Variants in EPHA6 observed in about 807,000 individuals in gnomAD.
The protein encoded by EPHA6 is EPH receptor A6.
Under a neutral mutation model 112.0 loss-of-function variants are expected in EPHA6, and 50 were observed. The ratio of observed to expected loss-of-function variants is 0.45; its 90% confidence interval spans 0.36 to 0.56. EPHA6 has a LOEUF of 0.56. Among genes scored for constraint, EPHA6 ranks in the 20% least tolerant of loss-of-function variants. The pLI, the probability that EPHA6 is intolerant of heterozygous loss-of-function variation, is 0.00. For missense variants in EPHA6, 1,280 were observed against 1,417.4 expected (o/e 0.90, Z 1.56); for synonymous variants, 529 against 490.7 (o/e 1.08, Z -1.03).
At position 96,957,328 on chromosome 3, in the gene EPHA6, A is replaced by G. The variant is rs554859992; in HGVS notation, c.451-30002A>G. On this transcript the variant is annotated intron_variant, in intron 2 of 17. Transcript: ENST00000389672. ...GACAGTGTTGCATGGCTAAAGATATAACTATGGTAGACAGACGTTCTCAAT... is the reference window on the plus strand; with the variant it reads ...GACAGTGTTGCATGGCTAAAGATATGACTATGGTAGACAGACGTTCTCAAT... 3.9e-5 allele frequency among the ~76,000 whole-genome samples: 6 copies of G among 152,332 alleles called. No homozygotes were observed. The South Asian group carries it at 1.0e-3, about 26-fold the overall frequency.
intron 2 of EPHA6, among the ~76,000 whole-genome samples, chr3:96,962,076 C>T (rs1194441512): frequency 2.0e-5 from 3 of 152,240 alleles, no homozygotes; most frequent in African/African-American, 4.8e-5. Context: ...GGCTTTTCCT[C>T]TAGGGATGTT....
At chr3:97,307,514 T>C (rs1279795923) in intron 5 of EPHA6, among the ~76,000 whole-genome samples, 1 of 151,774 alleles carries the variant, frequency 6.6e-6, no homozygotes, top group African/African-American at 2.4e-5. Flanking sequence ...TACCTGTACT[T>C]AGCTGTCATA....
intron 3 of EPHA6, among the ~76,000 whole-genome samples, chr3:97,103,926 T>C (rs143105414): frequency 3.7e-4 from 57 of 152,124 alleles, no homozygotes; most frequent in African/African-American, 1.3e-3. Flanking sequence ...TGTGTTTTAA[T>C]TCCTGATTTG....
At chr3:97,488,142 G>A (rs1269524296) in intron 10 of EPHA6, among the ~76,000 whole-genome samples, 1 of 152,094 alleles carries the variant, frequency 6.6e-6, no homozygotes. Context: ...TCTTAAATTT[G>A]ACCTTCCCTG....
intron 5 of EPHA6, among the ~76,000 whole-genome samples, chr3:97,284,280 T>C (rs2080389419): frequency 6.6e-6 from 1 of 152,196 alleles, no homozygotes; most frequent in East Asian, 1.9e-4. Context: ...TTTGTTACTT[T>C]TGAATTAAAA....
intron 11 of EPHA6, among the ~76,000 whole-genome samples, chr3:97,555,758 A>G: frequency 6.6e-6 from 1 of 151,648 alleles, no homozygotes. Flanking sequence ...TCCTTCACCC[A>G]CTTTTTGATG....
chr3:96,888,868 A>G (rs2037788810), intron 2 of EPHA6, among the ~76,000 whole-genome samples: 1 of 152,106 alleles, frequency 6.6e-6, no homozygotes, highest in South Asian at 2.1e-4. Flanking sequence ...CTTTTCTATC[A>G]CATTGTCAGG....
chr3:96,826,281 T>G (rs2033653092), intron 1 of EPHA6, among the ~76,000 whole-genome samples: 1 of 152,030 alleles, frequency 6.6e-6, no homozygotes, highest in Non-Finnish European at 1.5e-5. Context: ...TTTCAAAGTT[T>G]TGATACCTTA....
chr3:96,935,697 T>C (rs2040543630), intron 2 of EPHA6, among the ~76,000 whole-genome samples: 1 of 147,830 alleles, frequency 6.8e-6, no homozygotes, highest in Non-Finnish European at 1.5e-5. Context: ...ACACACATTA[T>C]GTATATTATA....
intron 3 of EPHA6, among the ~76,000 whole-genome samples, chr3:97,073,757 A>G (rs1337301310): frequency 6.6e-6 from 1 of 152,052 alleles, no homozygotes; most frequent in Non-Finnish European, 1.5e-5. Context: ...ATAAGTATAT[A>G]CAGTATATTA....
intron 6 of EPHA6, among the ~76,000 whole-genome samples, chr3:97,431,066 A>AG (rs1239940584): frequency 1.3e-5 from 2 of 152,082 alleles, no homozygotes; most frequent in Non-Finnish European, 2.9e-5. Flanking sequence ...GATTAACCTA[A>AG]GGGTTCTAAT....
intron 10 of EPHA6, among the ~76,000 whole-genome samples, chr3:97,513,722 TGTTACA>T (rs898985957): frequency 9.9e-5 from 15 of 152,142 alleles, no homozygotes; most frequent in Admixed American, 3.9e-4. Flanking sequence ...ATGGGTACAA[TGTTACA>T]GTTACACAGG....
chr3:97,664,854 GGA>G (rs1368392938), intron 14 of EPHA6, among the ~76,000 whole-genome samples: 1 of 152,166 alleles, frequency 6.6e-6, no homozygotes, highest in African/African-American at 2.4e-5. Context: ...CCATGCTGAT[GGA>G]TAGGAAGAAT....
rs375975975 is a variant in EPHA6 at position 97,557,152 on chromosome 3, A to G, written c.2386+24609A>G. Among the ~76,000 whole-genome samples the G allele has an allele frequency of 6.6e-5, 10 of 152,050 alleles. No homozygotes were observed. In the East Asian group the frequency reaches 1.5e-3, roughly 23 times the overall value. On this transcript the variant is annotated intron_variant, in intron 11 of 17. Coordinates refer to ENST00000389672, the MANE Select transcript of EPHA6 (RefSeq NM_001080448.3). ...TGACATCAGTTTGTGATTTCACATC[A>G]CAAAGGTCATGTGATTTTTTTTAAA...
intron 2 of EPHA6, among the ~76,000 whole-genome samples, chr3:96,873,844 G>A (rs77522549): frequency 0.029 from 4,440 of 152,152 alleles, 211 homozygotes; most frequent in African/African-American, 0.1. Flanking sequence ...GATTATTAAT[G>A]TGTCATGAGT....
At chr3:96,937,556 T>C (rs2040665197) in intron 2 of EPHA6, among the ~76,000 whole-genome samples, 1 of 152,176 alleles carries the variant, frequency 6.6e-6, no homozygotes, top group African/African-American at 2.4e-5. Context: ...TTTTGTAGGT[T>C]GCCTGTTCAC....
intron 3 of EPHA6, among the ~76,000 whole-genome samples, chr3:97,117,784 A>T (rs1045514446): frequency 6.6e-6 from 1 of 151,868 alleles, no homozygotes; most frequent in Non-Finnish European, 1.5e-5. Flanking sequence ...TAAATCTCAC[A>T]AGATTTCTTA....
chr3:97,545,708 T>C (rs573795046), intron 11 of EPHA6, among the ~76,000 whole-genome samples: 1 of 152,286 alleles, frequency 6.6e-6, no homozygotes, highest in Admixed American at 6.5e-5. Context: ...CTAAGTCTCT[T>C]TGTAGGTCAC....
At chr3:96,829,949 G>GCGCGCGCGCA (rs373416797) in intron 1 of EPHA6, among the ~76,000 whole-genome samples, 3 of 136,072 alleles carry the variant, frequency 2.2e-5, no homozygotes, top group African/African-American at 8.9e-5. Context: ...GCGCGCGCGC[G>GCGCGCGCGCA]CACACACACA....
Sources: allele counts gnomAD v4.1 joint callset (sites outside exome capture counted in the v4.1 genomes callset), GRCh38; gene constraint gnomAD v4.1.1; transcripts MANE v1.5; gene names NCBI Gene and HGNC (gene_info 2026-07-23, HGNC 2026-07-21).